ARHGEF40: variants seen among roughly 807,000 people sequenced by gnomAD.
The protein encoded by ARHGEF40 is Rho guanine nucleotide exchange factor 40, also known as Rho guanine nucleotide exchange factor (GEF) 40.
A neutral mutation model predicts 165.9 loss-of-function variants in ARHGEF40; 98 were observed. The observed-to-expected ratio is 0.59, with a 90% CI of 0.50 to 0.70. The LOEUF is 0.70. Among genes scored for constraint, ARHGEF40 ranks in the 30% least tolerant of loss-of-function variants. The probability of loss-of-function intolerance (pLI) is 0.00; values close to 1 mark genes in which losing one functional copy is unlikely to be tolerated. For synonymous variants in ARHGEF40, 792 were observed against 814.3 expected (o/e 0.97, Z 0.47); for missense variants, 1,815 against 1,968.0 (o/e 0.92, Z 1.47).
rs150111494 is a variant in ARHGEF40 at position 21,072,666 on chromosome 14, C to G, written c.4-379C>G. On this transcript the variant is annotated intron_variant, in intron 1 of 23. Transcript: ENST00000298694. The surrounding 1 kb of genome is among the most constrained non-coding windows in gnomAD (Gnocchi z 4.1). ...TGTGTGGAAATCTCCCTCATCCCCT[C>G]GAGTTCTCAGCCATAAGCTCAGTCC... Among the ~76,000 whole-genome samples, 4 of 152,276 alleles carry G rather than the reference C, an allele frequency of 2.6e-5. No individual in the cohort carries two copies. Among genetic ancestry groups the G allele is most frequent in the African/African-American group, 9.6e-5 (4 of 41,544 alleles).
In ARHGEF40 at chr14:21,078,276, T is replaced by A. The variant is rs770877616; in HGVS notation, c.2130+4T>A. On this transcript the variant is annotated splice_donor_region_variant and intron_variant, in intron 9 of 23. Coordinates refer to ENST00000298694, the MANE Select transcript of ARHGEF40 (RefSeq NM_018071.5). Reference sequence around the variant, plus strand: ...AGCAGCAGAGCCAGAGGAAGAGGTATGAAATGAGATGGGACAGTGGGGGGA... The same window carrying A: ...AGCAGCAGAGCCAGAGGAAGAGGTAAGAAATGAGATGGGACAGTGGGGGGA... The A allele has an allele frequency of 1.9e-6, 3 of 1,613,152 alleles. No individual in the cohort carries two copies. The highest frequency in any genetic ancestry group is 2.2e-5 in the South Asian group (2 of 90,964).
intron 16 of ARHGEF40, among the ~76,000 whole-genome samples, chr14:21,083,597 G>A (rs1165817402): frequency 1.3e-5 from 2 of 152,130 alleles, no homozygotes; most frequent in African/African-American, 4.8e-5. Flanking sequence ...AGAAAGTAAA[G>A]GGGATTACTA....
In ARHGEF40 at chr14:21,080,658, A is replaced by G. The variant is rs757448850; in HGVS notation, c.2374-2A>G. 2 of 1,608,802 alleles carry G rather than the reference A, an allele frequency of 1.2e-6. No homozygotes were observed. The highest frequency in any genetic ancestry group is 1.7e-5 in the Admixed American group (1 of 59,590). On this transcript the variant is annotated splice_acceptor_variant, in intron 11 of 23. Coordinates refer to ENST00000298694, the MANE Select transcript of ARHGEF40 (RefSeq NM_018071.5). LOFTEE classifies it high-confidence loss of function. ...CCTGCCCTCCCACCCCATCTGCCTC[A>G]GGTGTTGCAGTGGCTCTCGGGCCCA...
rs143043636 is a variant in ARHGEF40 at position 21,083,961 on chromosome 14, C to T, written c.3700C>T (p.Arg1234Trp). The T allele has an allele frequency of 3.7e-6, 6 of 1,613,832 alleles. No homozygotes were observed. Among genetic ancestry groups the T allele is most frequent in the East Asian group, 2.2e-5 (1 of 44,886 alleles). ...TGGGCCTGAGCTCAGTTCTGAGTGC[C>T]GGGCCCTTGGGGCTGCTGTACAGCT... ...EAGPELSSEC[R>W]ALGAAVQLLR... The change falls in exon 17 of 24, where the codon CGG becomes TGG. Residue 1234 changes from arginine (R) to tryptophan (W), a missense_variant. Coordinates refer to ENST00000298694, the MANE Select transcript of ARHGEF40 (RefSeq NM_018071.5).
chr14:21,087,457 T>C lies in ARHGEF40; in HGVS notation c.4381T>C (p.Ser1461Pro). ...EAWDLDVKQI[S>P]LAPETLDSSG... is the part of the protein sequence containing the mutation. ...CTGGGATCTGGACGTCAAGCAAATT[T>C]CCCTGGGTGAGGCACCTCTCAAGGG... Residue 1461 changes from serine to proline, a missense_variant, in exon 21 of 24, where the codon TCC (serine) becomes CCC (proline). Physicochemically the swap from Ser to Pro is moderately conservative, Grantham distance 74. Transcript: ENST00000298694. 6.2e-7 allele frequency: 1 copy of C among 1,600,596 alleles called. No individual in the cohort carries two copies. Among genetic ancestry groups the C allele is most frequent in the South Asian group, 1.1e-5 (1 of 91,066 alleles).
rs201557354 is a variant in ARHGEF40 at position 21,074,000 on chromosome 14, G to A, written c.270G>A (p.Val90=). 1 of 1,613,420 alleles carries A rather than the reference G, an allele frequency of 6.2e-7. No individual in the cohort carries two copies. The highest frequency in any genetic ancestry group is 8.5e-7 in the Non-Finnish European group (1 of 1,180,006). Residue 90 remains valine, a synonymous_variant, in exon 3 of 24, where the codon GTG becomes GTA. Transcript: ENST00000298694. The surrounding 1 kb of genome is among the most constrained non-coding windows in gnomAD (Gnocchi z 4.6). ...TCTGCCTGCATGAACAGGTGGTGGT[G>A]CAGCTAGCAGCCCTACCCTGGCAAC... ...WPLCLHEQVV[V]QLAALPWQLL... is the part of the protein sequence containing the mutation.
chr14:21,082,117 C>G lies in ARHGEF40; in HGVS notation c.3249C>G (p.Ile1083Met). 6.4e-7 allele frequency: 1 copy of G among 1,562,874 alleles called. No homozygotes were observed. Among genetic ancestry groups the G allele is most frequent in the Non-Finnish European group, 8.7e-7 (1 of 1,153,210 alleles). The change falls in exon 14 of 24, where the codon ATC becomes ATG. Residue 1083 changes from isoleucine to methionine, a missense_variant and splice_region_variant. Physicochemically the swap from Ile to Met is conservative, Grantham distance 10 (BLOSUM62 1). Transcript: ENST00000298694. ...CCCGGATGGAGCGCAAGCGAAGCAT[C>G]AGGTGAGATCCCAGCCCAACTGGTG... ...GTPRMERKRS[I>M]SAQQRLVSEL...
rs750832829 is a variant in ARHGEF40 at position 21,083,979 on chromosome 14, G to C, written c.3718G>C (p.Val1240Leu). 1.2e-6 allele frequency: 2 copies of C among 1,613,424 alleles called. No homozygotes were observed. Among genetic ancestry groups the C allele is most frequent in the East Asian group, 2.2e-5 (1 of 44,890 alleles). The change falls in exon 17 of 24, where the codon GTA (valine) becomes CTA (leucine). Residue 1240 changes from valine (V) to leucine (L), a missense_variant. By Grantham distance (32) the Val-to-Leu change is conservative. Coordinates refer to ENST00000298694, the MANE Select transcript of ARHGEF40 (RefSeq NM_018071.5). ...TGAGTGCCGGGCCCTTGGGGCTGCT[G>C]TACAGCTGCTCCGGGAACAAGAGGC... ...SSECRALGAA[V>L]QLLREQEARG... is the part of the protein sequence containing the mutation.
chr14:21,070,277 C>T (rs1260467249), upstream of ARHGEF40: 20 of 1,091,030 alleles, frequency 1.8e-5, no homozygotes, highest in Admixed American at 4.5e-5. The surrounding 1 kb of genome is among the most constrained non-coding windows in gnomAD (Gnocchi z 4.7). Flanking sequence ...GCCGAGCCGC[C>T]ACCGCGGCCG....
rs769928384 is a variant in ARHGEF40, at chr14:21,078,508, G to A, written c.2246+20G>A. The A allele has an allele frequency of 4.5e-5, 69 of 1,538,184 alleles. No homozygotes were observed. The highest frequency in any genetic ancestry group is 5.5e-5 in the Non-Finnish European group (63 of 1,139,158). ...CAGCAAGTACGAAGTATGGGTGTGC[G>A]GAGGCAGGTGGAAGTGGGAGGTGGA... On this transcript the variant is annotated intron_variant, in intron 10 of 23. Transcript: ENST00000298694.
Position 21,084,040 on chromosome 14 carries a change from G to A in ARHGEF40, c.3779G>A (p.Arg1260His), listed in dbSNP as rs750959051. The A allele has an allele frequency of 5.7e-5, 91 of 1,606,832 alleles. No homozygotes were observed. The highest frequency in any genetic ancestry group is 1.3e-4 in the Admixed American group (8 of 59,378). The change falls in exon 17 of 24, where the codon CGT becomes CAT. Residue 1260 changes from arginine to histidine, a missense_variant. By Grantham distance (29) the Arg-to-His change is conservative (BLOSUM62 0). Transcript: ENST00000298694. ...GACCTGCTGGCCGTGGAGGCGGTGCGTGGCTGTGAGGTGAGGCCCTAGCTC... is the reference window on the plus strand; with the variant it reads ...GACCTGCTGGCCGTGGAGGCGGTGCATGGCTGTGAGGTGAGGCCCTAGCTC... ...GRDLLAVEAV[R>H]GCEIDLKEQG...
chr14:21,088,695 AAGT>A, intron 22 of ARHGEF40, 132 bp from the exon 23 acceptor site: 4 of 939,650 alleles, frequency 4.3e-6, no homozygotes, highest in Non-Finnish European at 6.3e-6. Flanking sequence ...AAAAAAATAA[AAGT>A]AAATAGCAAA....
At chr14:21,080,242 ACACACAC>A (rs1887784365) in intron 11 of ARHGEF40, among the ~76,000 whole-genome samples, 1 of 72,348 alleles carries the variant, frequency 1.4e-5, no homozygotes, top group Non-Finnish European at 3.2e-5. Flanking sequence ...ACACACACAC[ACACACAC>A]CCCTTCTGTA....
upstream of ARHGEF40, among the ~76,000 whole-genome samples, chr14:21,065,718 T>C (rs548070432): frequency 2.6e-5 from 4 of 152,152 alleles, no homozygotes; most frequent in East Asian, 7.7e-4. Flanking sequence ...GAATCGTGAA[T>C]GAAAAGAAAG....
Position 21,072,866 on chromosome 14 carries a change from C to G in ARHGEF40, c.4-179C>G, listed in dbSNP as rs1259500929. 6.6e-6 allele frequency among the ~76,000 whole-genome samples: 1 copy of G among 152,226 alleles called. No homozygotes were observed. The highest frequency in any genetic ancestry group is 1.5e-5 in the Non-Finnish European group (1 of 68,032). On this transcript the variant is annotated intron_variant, in intron 1 of 23. Transcript: ENST00000298694. The surrounding 1 kb of genome is among the most constrained non-coding windows in gnomAD (Gnocchi z 4.1). ...GAGCGCCCTGCCAGGTTTGTGCACTCTGGCCCAGCCCCACTCCTGTTCTGG... is the reference window on the plus strand; with the variant it reads ...GAGCGCCCTGCCAGGTTTGTGCACTGTGGCCCAGCCCCACTCCTGTTCTGG...
At position 21,082,289 on chromosome 14, in the gene ARHGEF40, T is replaced by C. The variant is rs775801947; in HGVS notation, c.3297T>C (p.Asp1099=). ...LVSELIACEQ[D]YVATLSEPVP... ...CTGAGCTGATTGCCTGTGAACAAGATTACGTGGCCACCTTGAGTGAGCCAG... is the reference window on the plus strand; with the variant it reads ...CTGAGCTGATTGCCTGTGAACAAGACTACGTGGCCACCTTGAGTGAGCCAG... Residue 1099 remains aspartate, a synonymous_variant, in exon 15 of 24, where the codon GAT becomes GAC. Transcript: ENST00000298694. 1.9e-6 allele frequency: 3 copies of C among 1,613,128 alleles called. No homozygotes were observed. The highest frequency in any genetic ancestry group is 2.2e-5 in the East Asian group (1 of 44,852).
the ARHGEF40 span, among the ~76,000 whole-genome samples, chr14:21,062,786 T>C: frequency 1.4e-5 from 2 of 147,338 alleles, no homozygotes; most frequent in Non-Finnish European, 3.0e-5. Flanking sequence ...TTGTCCAGGC[T>C]GGAGTAGTGC....
At chr14:21,083,055 G>A in intron 16 of ARHGEF40, 138 bp downstream of exon 16, 1 of 770,878 alleles carries the variant, frequency 1.3e-6, no homozygotes, top group South Asian at 1.7e-5. Flanking sequence ...AATTGCCGAG[G>A]GTGGGACAAG....
rs187286716 is a variant in ARHGEF40 at position 21,083,243 on chromosome 14, A to G, written c.3573+326A>G. ...CACATCAAAAGACGTACAAGTGACTAAAAGTTCAAAGGCAGTGGCCGGGCG... is the reference window on the plus strand; with the variant it reads ...CACATCAAAAGACGTACAAGTGACTGAAAGTTCAAAGGCAGTGGCCGGGCG... On this transcript the variant is annotated intron_variant, in intron 16 of 23. Coordinates refer to ENST00000298694, the MANE Select transcript of ARHGEF40 (RefSeq NM_018071.5). Among the ~76,000 whole-genome samples, 6 of 152,292 alleles carry G rather than the reference A, an allele frequency of 3.9e-5. 1 individual carries two copies. Among genetic ancestry groups the G allele is most frequent in the African/African-American group, 1.2e-4 (5 of 41,548 alleles).
Sources: gnomAD v4.1 joint callset for allele counts (sites outside exome capture counted in the v4.1 genomes callset) on GRCh38, gnomAD v4.1.1 for gene constraint, Gnocchi (gnomAD v3.1) non-coding constraint, MANE v1.5 for transcripts, NCBI Gene and HGNC (gene_info 2026-07-23, HGNC 2026-07-21) for gene names.